ADAMTS9: variants seen among roughly 807,000 people sequenced by gnomAD.
ADAMTS9 encodes A disintegrin and metalloproteinase with thrombospondin motifs 9.
A neutral mutation model predicts 257.1 loss-of-function variants in ADAMTS9; 107 were observed. That is an observed-to-expected ratio of 0.42 (90% confidence interval 0.36 to 0.49). The LOEUF (loss-of-function observed/expected upper bound fraction) is 0.49, where lower values mean the gene tolerates loss of function less well. ADAMTS9 is among the 20% of genes least tolerant of loss of function. ADAMTS9 has a pLI of 0.03. For synonymous variants in ADAMTS9, 982 were observed against 880.9 expected (o/e 1.11, Z -2.03); for missense variants, 2,353 against 2,469.1 (o/e 0.95, Z 1.00).
chr3:64,544,059 G>C (rs2083164257), intron 32 of ADAMTS9, among the ~76,000 whole-genome samples: 1 of 152,176 alleles, frequency 6.6e-6, no homozygotes, highest in African/African-American at 2.4e-5. Flanking sequence ...ACTTACAAGG[G>C]ATGTGAAGGA....
chr3:64,561,811 G>A, intron 29 of ADAMTS9, 60 bp from the exon 30 acceptor site: 1 of 1,191,618 alleles, frequency 8.4e-7, no homozygotes, highest in Non-Finnish European at 1.2e-6. Flanking sequence ...GGGGGGCGGG[G>A]GGTGTCGAGG....
At chr3:64,643,192 T>C (rs553422237) in intron 11 of ADAMTS9, among the ~76,000 whole-genome samples, 16 of 152,244 alleles carry the variant, frequency 1.1e-4, no homozygotes, top group African/African-American at 3.9e-4. Flanking sequence ...TGGAAATCAC[T>C]TCATATTTGT....
Position 64,686,601 on chromosome 3 carries a change from C to G in ADAMTS9, c.483G>C (p.Glu161Asp), listed in dbSNP as rs1488383146. The change falls in exon 2 of 40, where the codon GAG becomes GAC. Residue 161 changes from glutamate to aspartate, a missense_variant. Transcript: ENST00000498707. The surrounding 1 kb of genome is among the most constrained non-coding windows in gnomAD (Gnocchi z 4.6). ...FYKGYVNTNSEHTAVISLCSG... is the reference protein window; with the variant it reads ...FYKGYVNTNSDHTAVISLCSG... ...AGCAGAGGCTGATGACGGCCGTGTGCTCGGAGTTGGTATTGACATAGCCTT... is the reference window on the plus strand; with the variant it reads ...AGCAGAGGCTGATGACGGCCGTGTGGTCGGAGTTGGTATTGACATAGCCTT... 1 of 1,613,096 alleles carries G rather than the reference C, an allele frequency of 6.2e-7. No homozygotes were observed. The highest frequency in any genetic ancestry group is 1.1e-5 in the South Asian group (1 of 90,796).
intron 3 of ADAMTS9, among the ~76,000 whole-genome samples, chr3:64,671,721 C>T (rs751620461): frequency 5.3e-5 from 8 of 152,220 alleles, no homozygotes; most frequent in Non-Finnish European, 1.2e-4. Context: ...GTCACATGTG[C>T]ATACCACATC....
In ADAMTS9 at chr3:64,655,848, T is replaced by C; in HGVS notation, c.997A>G (p.Ile333Val). 6.4e-7 allele frequency: 1 copy of C among 1,569,220 alleles called. No individual in the cohort carries two copies. Among genetic ancestry groups the C allele is most frequent in the Non-Finnish European group, 8.6e-7 (1 of 1,163,752 alleles). Residue 333 changes from isoleucine (I) to valine (V), a missense_variant, in exon 5 of 40, where the codon ATT becomes GTT. Transcript: ENST00000498707. ...IVASIYKDPSIGNLINIVIVN... is the reference protein window; with the variant it reads ...IVASIYKDPSVGNLINIVIVN... ...ATAACAATATTAATTAAATTTCCAATACTTGGGTCTTTATAGATAGAGGCT... is the reference window on the plus strand; with the variant it reads ...ATAACAATATTAATTAAATTTCCAACACTTGGGTCTTTATAGATAGAGGCT...
At chr3:64,629,676 A>G (rs75836982) in intron 16 of ADAMTS9, among the ~76,000 whole-genome samples, 1 of 152,332 alleles carries the variant, frequency 6.6e-6, no homozygotes, top group Middle Eastern at 3.4e-3. Flanking sequence ...GTTACTGTTT[A>G]TTGCCTATTG....
At chr3:64,607,221 G>A in intron 22 of ADAMTS9, 142 bp from the exon 23 acceptor site, 1 of 986,954 alleles carries the variant, frequency 1.0e-6, no homozygotes, top group Non-Finnish European at 1.5e-6. Context: ...GGTCGAAGTG[G>A]GCAATCCTGC....
At chr3:64,567,106 G>A (rs2083564275) in intron 29 of ADAMTS9, among the ~76,000 whole-genome samples, 1 of 152,182 alleles carries the variant, frequency 6.6e-6, no homozygotes, top group Non-Finnish European at 1.5e-5. Context: ...ATGACTGGAG[G>A]ATATGGAGGG....
chr3:64,601,835 T>C, intron 26 of ADAMTS9, 109 bp downstream of exon 26: 1 of 1,325,982 alleles, frequency 7.5e-7, no homozygotes, highest in East Asian at 2.4e-5. Flanking sequence ...ATGCACAATG[T>C]CAATCCCTTG....
intron 19 of ADAMTS9, among the ~76,000 whole-genome samples, chr3:64,620,765 T>A (rs1160360975): frequency 6.6e-6 from 1 of 152,192 alleles, no homozygotes; most frequent in Non-Finnish European, 1.5e-5. Flanking sequence ...CTTTGAGGGA[T>A]GAGGTTCTCC....
At chr3:64,615,715 A>G (rs1052577130) in intron 20 of ADAMTS9, among the ~76,000 whole-genome samples, 1 of 152,196 alleles carries the variant, frequency 6.6e-6, no homozygotes, top group African/African-American at 2.4e-5. Context: ...TGGCTTGTAG[A>G]GTATGCAAAA....
intron 31 of ADAMTS9, among the ~76,000 whole-genome samples, chr3:64,549,617 G>A (rs928876542): frequency 6.6e-6 from 1 of 152,084 alleles, no homozygotes; most frequent in African/African-American, 2.4e-5. Context: ...CAGGGTTGGG[G>A]TCGAGCAGGG....
At position 64,552,188 on chromosome 3, in the gene ADAMTS9, T is replaced by G. The variant is rs867511438; in HGVS notation, c.4699-1126A>C. Among the ~76,000 whole-genome samples the G allele has an allele frequency of 5.9e-5, 9 of 152,242 alleles. No individual in the cohort carries two copies. The South Asian group carries it at 6.2e-4, about 10-fold the overall frequency. On this transcript the variant is annotated intron_variant, in intron 30 of 39. Coordinates refer to ENST00000498707, the MANE Select transcript of ADAMTS9 (RefSeq NM_182920.2). ...TTACTTGCCCCAGGTCACACATCTC[T>G]TTGTGAGGTAGACGGGACAGCTATG...
At chr3:64,633,919 A>G (rs781774360) in intron 12 of ADAMTS9, 40 bp from the exon 13 acceptor site, 4 of 1,538,734 alleles carry the variant, frequency 2.6e-6, no homozygotes, top group South Asian at 1.2e-5. Flanking sequence ...ACACTGTATT[A>G]TCATGTATTC....
chr3:64,684,954 T>C (rs1035646837), intron 2 of ADAMTS9: 3 of 152,244 alleles, frequency 2.0e-5, no homozygotes, highest in Non-Finnish European at 4.4e-5. Flanking sequence ...CTCCAGGCTC[T>C]GGGCTCAGAC....
At chr3:64,609,523 C>A (rs1481506327) in intron 22 of ADAMTS9, among the ~76,000 whole-genome samples, 1 of 151,630 alleles carries the variant, frequency 6.6e-6, no homozygotes, top group Non-Finnish European at 1.5e-5. Flanking sequence ...AAAAAAAATT[C>A]AATTTACAGC....
At chr3:64,643,445 A>ATTTTTTTTTTTTTTTTTTTTTTTT (rs57471985) in intron 11 of ADAMTS9, among the ~76,000 whole-genome samples, 4 of 61,406 alleles carry the variant, frequency 6.5e-5, no homozygotes, top group South Asian at 6.8e-4. Flanking sequence ...TTACTCAATA[A>ATTTTTTTTTTTTTTTTTTTTTTTT]TTTTTTTTTT....
chr3:64,557,483 G>A (rs932160545), intron 30 of ADAMTS9, among the ~76,000 whole-genome samples: 1 of 152,032 alleles, frequency 6.6e-6, no homozygotes, highest in African/African-American at 2.4e-5. Flanking sequence ...TCTAAAGTGG[G>A]TAAAACTGAC....
intron 12 of ADAMTS9, among the ~76,000 whole-genome samples, chr3:64,635,343 T>C (rs951802663): frequency 2.0e-5 from 3 of 152,282 alleles, no homozygotes; most frequent in East Asian, 1.9e-4. Context: ...TATCTTCACA[T>C]GTAAAACAGA....
Sources: gnomAD v4.1 joint callset for allele counts (sites outside exome capture counted in the v4.1 genomes callset) on GRCh38, gnomAD v4.1.1 for gene constraint, Gnocchi (gnomAD v3.1) non-coding constraint, MANE v1.5 for transcripts, NCBI Gene and HGNC (gene_info 2026-07-23, HGNC 2026-07-21) for gene names.